The following AHCY variants were observed in gnomAD, a reference collection of about 807,000 sequenced individuals.
The protein encoded by AHCY is adenosylhomocysteinase.
In AHCY, 24 loss-of-function variants were observed where a neutral mutation model predicts 45.4. The ratio of observed to expected loss-of-function variants is 0.53; its 90% confidence interval spans 0.38 to 0.74. AHCY has a LOEUF of 0.74. AHCY is among the 30% of genes least tolerant of loss of function. AHCY has a pLI of 0.00. For synonymous variants in AHCY, 245 were observed against 235.1 expected (o/e 1.04, Z -0.39); for missense variants, 449 against 594.1 (o/e 0.76, Z 2.54).
the AHCY span, among the ~76,000 whole-genome samples, chr20:34,261,314 C>T: frequency 6.6e-6 from 1 of 152,010 alleles, no homozygotes; most frequent in African/African-American, 2.4e-5. Flanking sequence ...GACTGAGCGA[C>T]ATAGGGAGAC....
the AHCY span, among the ~76,000 whole-genome samples, chr20:34,269,678 C>T: frequency 1.6e-3 from 239 of 151,924 alleles, 3 homozygotes; most frequent in Middle Eastern, 3.4e-3. Context: ...AGCGCGGTGG[C>T]TCACGCCTGT....
the AHCY span, among the ~76,000 whole-genome samples, chr20:34,272,010 TG>T: frequency 6.7e-6 from 1 of 150,210 alleles, no homozygotes; most frequent in African/African-American, 2.4e-5. Context: ...TGGGGAGACT[TG>T]GGGACCTCAA....
intron 1 of AHCY, among the ~76,000 whole-genome samples, chr20:34,296,222 TC>T (rs1306128247): frequency 6.6e-6 from 1 of 152,104 alleles, no homozygotes; most frequent in Non-Finnish European, 1.5e-5. Context: ...AGCTTAGCTC[TC>T]CCTTCTTTTT....
At chr20:34,247,076 TC>T in the AHCY span, among the ~76,000 whole-genome samples, 1 of 152,112 alleles carries the variant, frequency 6.6e-6, no homozygotes, top group African/African-American at 2.4e-5. Context: ...CACCACAGCC[TC>T]AACCTCCCAG....
intron 1 of AHCY, among the ~76,000 whole-genome samples, chr20:34,309,442 G>C (rs773103621): frequency 6.6e-6 from 1 of 152,094 alleles, no homozygotes; most frequent in African/African-American, 2.4e-5. Context: ...TGGAAGGATC[G>C]CTGGAGCCCA....
At chr20:34,235,829 GAAA>G in the AHCY span, among the ~76,000 whole-genome samples, 1 of 62,684 alleles carries the variant, frequency 1.6e-5, no homozygotes, top group Admixed American at 1.9e-4. Context: ...AAGAAAGAAA[GAAA>G]GAAAGAAAGA....
At chr20:34,253,208 C>A in the AHCY span, among the ~76,000 whole-genome samples, 2 of 151,270 alleles carry the variant, frequency 1.3e-5, no homozygotes, top group Middle Eastern at 3.4e-3. Context: ...TGGGTTCACA[C>A]CATTCTCCTG....
At chr20:34,281,224 G>A (rs367941492) in intron 9 of AHCY, 59 bp from the exon 10 acceptor site, 7 of 1,606,526 alleles carry the variant, frequency 4.4e-6, no homozygotes, top group South Asian at 2.2e-5. Context: ...CCCTACACGC[G>A]TCTGGCTGCC....
chr20:34,308,589 A>G (rs546745500), intron 1 of AHCY, among the ~76,000 whole-genome samples: 2 of 152,176 alleles, frequency 1.3e-5, no homozygotes, highest in South Asian at 4.1e-4. Context: ...GAAATCCATA[A>G]TTATACCCAA....
intron 2 of AHCY, among the ~76,000 whole-genome samples, chr20:34,294,692 T>C (rs2036513956): frequency 6.6e-6 from 1 of 152,156 alleles, no homozygotes. Flanking sequence ...CTGAGTCTGT[T>C]TGAACGCGTT....
At chr20:34,249,817 C>T in the AHCY span, among the ~76,000 whole-genome samples, 1 of 152,174 alleles carries the variant, frequency 6.6e-6, no homozygotes, top group Non-Finnish European at 1.5e-5. Context: ...GGCCAGAGAA[C>T]CCATTATGGA....
At chr20:34,305,755 A>C (rs1392748105), upstream of AHCY, among the ~76,000 whole-genome samples, 2 of 152,138 alleles carry the variant, frequency 1.3e-5, no homozygotes, top group Non-Finnish European at 2.9e-5. Context: ...AATGTAATAA[A>C]ATTTGAGAAA....
the AHCY span, chr20:34,260,386 C>G: frequency 6.2e-7 from 1 of 1,613,650 alleles, no homozygotes; most frequent in East Asian, 2.2e-5. Context: ...TGGATGTCAC[C>G]CGCTTACTCC....
At chr20:34,298,422 GACCAGA>G (rs1290058352) in intron 1 of AHCY, among the ~76,000 whole-genome samples, 1 of 152,072 alleles carries the variant, frequency 6.6e-6, no homozygotes, top group Non-Finnish European at 1.5e-5. Flanking sequence ...AGTGAGGTGT[GACCAGA>G]AGACAAGAGT....
chr20:34,286,897 T>C (rs191880253), intron 8 of AHCY, among the ~76,000 whole-genome samples: 2 of 149,384 alleles, frequency 1.3e-5, no homozygotes, highest in South Asian at 2.1e-4. Flanking sequence ...CCTATTCCTG[T>C]GGCCCACAGT....
downstream of AHCY, among the ~76,000 whole-genome samples, chr20:34,275,957 C>CT (rs765143963): frequency 2.6e-5 from 4 of 152,058 alleles, no homozygotes; most frequent in Non-Finnish European, 5.9e-5. Context: ...TCCCAAAGTG[C>CT]TGGGATTACA....
intron 8 of AHCY, among the ~76,000 whole-genome samples, chr20:34,287,522 C>G (rs1489790280): frequency 1.3e-5 from 2 of 151,646 alleles, no homozygotes; most frequent in African/African-American, 4.8e-5. Context: ...TCCAGAGTAG[C>G]TGGGACTATA....
chr20:34,257,060 C>CTCTTTTT, the AHCY span, among the ~76,000 whole-genome samples: 1 of 122,368 alleles, frequency 8.2e-6, no homozygotes, highest in Non-Finnish European at 1.6e-5. Context: ...TTCTCTCTCT[C>CTCTTTTT]TTTCTTTCTC....
Position 34,280,349 on chromosome 20 carries a change from G to A in AHCY, c.*685C>T, listed in dbSNP as rs1289623519. 1 of 152,338 alleles carries A rather than the reference G, an allele frequency of 6.6e-6. No individual in the cohort carries two copies. The highest frequency in any genetic ancestry group is 1.5e-5 in the Non-Finnish European group (1 of 68,300). The allele number at this position is 152,338 out of a possible 1,614,324, so 9.4% of individuals were successfully genotyped here. A position where few individuals can be genotyped will look rare whatever the true frequency, so the allele number is the denominator to read the frequency against. ...GCCAAATTATTCTCTTTTTGACCCA[G>A]GGTTGTGAAAGGAACCATCTGGTTA... On this transcript the variant is annotated 3_prime_UTR_variant, in exon 10 of 10. Transcript: ENST00000217426.
Sources: allele counts gnomAD v4.1 joint callset (sites outside exome capture counted in the v4.1 genomes callset), GRCh38; gene constraint gnomAD v4.1.1; transcripts MANE v1.5; gene names NCBI Gene and HGNC (gene_info 2026-07-23, HGNC 2026-07-21).